The following COL5A2 variants were observed in gnomAD, a reference collection of about 807,000 sequenced individuals.
The protein encoded by COL5A2 is collagen alpha-2(V) chain.
In COL5A2, 23 loss-of-function variants were observed where a neutral mutation model predicts 208.2. The ratio of observed to expected loss-of-function variants is 0.11; its 90% CI spans 0.08 to 0.16. The LOEUF is 0.16. COL5A2 is among the 10% of genes least tolerant of loss of function. The probability of loss-of-function intolerance (pLI) is 1.00; values close to 1 mark genes in which losing one functional copy is unlikely to be tolerated. For missense variants in COL5A2, 1,590 were observed against 1,956.4 expected, an observed-to-expected ratio of 0.81 and a Z score of 3.53; for synonymous variants, 625 against 628.5, an observed-to-expected ratio of 0.99 and a Z score of 0.08.
intron 1 of COL5A2, among the ~76,000 whole-genome samples, chr2:189,207,566 A>T (rs1689157319): frequency 6.6e-6 from 1 of 152,228 alleles, no homozygotes; most frequent in Non-Finnish European, 1.5e-5. Context: ...CAGGAAGTGT[A>T]CATGCTAGCT....
At chr2:189,243,831 A>G in the COL5A2 span, among the ~76,000 whole-genome samples, 1 of 152,208 alleles carries the variant, frequency 6.6e-6, no homozygotes, top group Non-Finnish European at 1.5e-5. Context: ...CCTAGATACA[A>G]TGGAGGCACA....
At chr2:189,229,507 A>G (rs1317544271), upstream of COL5A2, among the ~76,000 whole-genome samples, 2 of 151,678 alleles carry the variant, frequency 1.3e-5, no homozygotes, top group Non-Finnish European at 3.0e-5. Context: ...AAATCAACAT[A>G]CAAAACTAAT....
intron 7 of COL5A2, among the ~76,000 whole-genome samples, chr2:189,091,117 G>T (rs539466108): frequency 6.6e-6 from 1 of 152,252 alleles, no homozygotes; most frequent in East Asian, 1.9e-4. Context: ...GAGAAGTTTG[G>T]AAGAAGTTGA....
intron 35 of COL5A2, among the ~76,000 whole-genome samples, chr2:189,054,926 T>C (rs1015199176): frequency 6.6e-5 from 10 of 151,672 alleles, no homozygotes; most frequent in African/African-American, 2.4e-4. Flanking sequence ...CTCTGTCGCC[T>C]AGGCTGGAGT....
chr2:189,277,719 A>AGATCCATG, the COL5A2 span, among the ~76,000 whole-genome samples: 1 of 152,080 alleles, frequency 6.6e-6, no homozygotes, highest in Non-Finnish European at 1.5e-5. Flanking sequence ...AGATACTCAT[A>AGATCCATG]GATCCAATGT....
chr2:189,421,134 A>T, the COL5A2 span, among the ~76,000 whole-genome samples: 1 of 151,966 alleles, frequency 6.6e-6, no homozygotes, highest in Non-Finnish European at 1.5e-5. Context: ...ATTTCTTGCA[A>T]TTTTTTTTAA....
At chr2:189,131,044 A>AAAG (rs1687704595) in intron 1 of COL5A2, among the ~76,000 whole-genome samples, 1 of 152,128 alleles carries the variant, frequency 6.6e-6, no homozygotes, top group Admixed American at 6.5e-5. Flanking sequence ...TCAGCAAGGT[A>AAAG]AAGACAAAGA....
chr2:189,360,972 GTT>G, the COL5A2 span, among the ~76,000 whole-genome samples: 2 of 140,982 alleles, frequency 1.4e-5, no homozygotes, highest in African/African-American at 2.6e-5. Context: ...TGGCTGTTCT[GTT>G]TTTTTTTTTT....
chr2:189,097,769 C>T (rs1686951453), intron 5 of COL5A2: 1 of 439,726 alleles, frequency 2.3e-6, no homozygotes, highest in South Asian at 1.6e-5. Context: ...CAAATTGGTA[C>T]ATGATACCCC....
At chr2:189,258,551 G>A in the COL5A2 span, among the ~76,000 whole-genome samples, 1 of 152,248 alleles carries the variant, frequency 6.6e-6, no homozygotes, top group East Asian at 1.9e-4. Flanking sequence ...TGCTTAACAT[G>A]ATAACTCTGG....
chr2:189,120,492 A>G (rs1010848795), intron 1 of COL5A2, among the ~76,000 whole-genome samples: 40 of 152,336 alleles, frequency 2.6e-4, no homozygotes, highest in African/African-American at 9.6e-4. Flanking sequence ...AATCCAAAAC[A>G]AAAACAATCT....
At chr2:189,047,756 T>C (rs897725017) in intron 45 of COL5A2, among the ~76,000 whole-genome samples, 1 of 152,200 alleles carries the variant, frequency 6.6e-6, no homozygotes, top group South Asian at 2.1e-4. Context: ...GTTGGGGACA[T>C]GTTCAGTTCA....
At chr2:189,311,476 T>G in the COL5A2 span, 1 of 1,057,014 alleles carries the variant, frequency 9.5e-7, no homozygotes, top group South Asian at 1.3e-5. Context: ...ATTCCTGGGC[T>G]TGGTGCTGTC....
At chr2:189,090,133 A>T (rs1464118654) in intron 7 of COL5A2, among the ~76,000 whole-genome samples, 2 of 152,234 alleles carry the variant, frequency 1.3e-5, no homozygotes, top group Non-Finnish European at 2.9e-5. Flanking sequence ...GTTCTTAAAA[A>T]ATTAGAAGCA....
intron 18 of COL5A2, among the ~76,000 whole-genome samples, chr2:189,070,618 T>A (rs1644874486): frequency 6.6e-6 from 1 of 152,216 alleles, no homozygotes; most frequent in African/African-American, 2.4e-5. Context: ...AAACTATGAT[T>A]GCTAGTGAAG....
chr2:189,350,059 T>C, the COL5A2 span, among the ~76,000 whole-genome samples: 3 of 152,160 alleles, frequency 2.0e-5, no homozygotes, highest in South Asian at 2.1e-4. Context: ...TCTTCACTTA[T>C]CATGTACTCA....
chr2:189,229,217 CT>C (rs766698801), upstream of COL5A2, among the ~76,000 whole-genome samples: 18 of 151,606 alleles, frequency 1.2e-4, no homozygotes, highest in Non-Finnish European at 1.9e-4. Flanking sequence ...CAATGAAAAA[CT>C]GATAGTTTTT....
chr2:189,433,313 G>C, the COL5A2 span, among the ~76,000 whole-genome samples: 1 of 152,006 alleles, frequency 6.6e-6, no homozygotes, highest in African/African-American at 2.4e-5. Flanking sequence ...CTAGCAGAAG[G>C]CAAGAAATAA....
chr2:189,345,183 A>G, the COL5A2 span, among the ~76,000 whole-genome samples: 1 of 152,198 alleles, frequency 6.6e-6, no homozygotes, highest in African/African-American at 2.4e-5. Context: ...TTTTAGATGT[A>G]TAAGATAAGA....
Sources: allele counts gnomAD v4.1 joint callset (sites outside exome capture counted in the v4.1 genomes callset), GRCh38; gene constraint gnomAD v4.1.1; transcripts MANE v1.5; gene names NCBI Gene and HGNC (gene_info 2026-07-23, HGNC 2026-07-21).